The following GUCY1A2 variants were observed in gnomAD, a reference collection of about 807,000 sequenced individuals.
GUCY1A2 encodes guanylate cyclase 1 soluble subunit alpha 2.
GUCY1A2 carries 27 observed loss-of-function variants against 63.5 expected under a neutral mutation model. The observed-to-expected ratio is 0.43, with a 90% CI of 0.31 to 0.59. The LOEUF (loss-of-function observed/expected upper bound fraction) is 0.59. Ranked by LOEUF, GUCY1A2 falls within the 20% of genes least tolerant of loss-of-function variation. The probability of loss-of-function intolerance (pLI) is 0.11; values close to 1 mark genes in which losing one functional copy is unlikely to be tolerated. For missense variants in GUCY1A2, 768 were observed against 913.3 expected, an observed-to-expected ratio of 0.84 and a Z score of 2.05; for synonymous variants, 364 against 343.5, an observed-to-expected ratio of 1.06 and a Z score of -0.66.
chr11:106,726,823 G>C (rs1358239476), intron 6 of GUCY1A2, among the ~76,000 whole-genome samples: 1 of 152,180 alleles, frequency 6.6e-6, no homozygotes, highest in Non-Finnish European at 1.5e-5. Context: ...AAAGGTGGTG[G>C]CAGATTGTGA....
At chr11:106,931,519 C>T (rs1021141039) in intron 4 of GUCY1A2, among the ~76,000 whole-genome samples, 2 of 152,158 alleles carry the variant, frequency 1.3e-5, no homozygotes, top group African/African-American at 4.8e-5. Flanking sequence ...GGGAACATAT[C>T]CACACAAACT....
rs1018668390 is a variant in GUCY1A2 at position 107,001,946 on chromosome 11, G to C, written c.303+15807C>G. Among the ~76,000 whole-genome samples, 14 of 151,798 alleles carry C rather than the reference G, an allele frequency of 9.2e-5. No individual in the cohort carries two copies. In the South Asian group the frequency reaches 2.9e-3, roughly 32 times the overall value. On this transcript the variant is annotated intron_variant, in intron 1 of 7. Coordinates refer to ENST00000526355, the MANE Select transcript of GUCY1A2 (RefSeq NM_000855.3). ...AGGCAGGAGAATCGCTTGAACCTGGGAGGCAGAGGTTGCAATGAGCTGAGA... is the reference window on the plus strand; with the variant it reads ...AGGCAGGAGAATCGCTTGAACCTGGCAGGCAGAGGTTGCAATGAGCTGAGA...
intron 4 of GUCY1A2, among the ~76,000 whole-genome samples, chr11:106,902,522 C>T (rs1860148141): frequency 6.6e-6 from 1 of 152,150 alleles, no homozygotes; most frequent in Non-Finnish European, 1.5e-5. Flanking sequence ...GTTTCATCCA[C>T]AATGAAAATA....
intron 4 of GUCY1A2, among the ~76,000 whole-genome samples, chr11:106,855,919 T>A (rs1255974653): frequency 1.3e-5 from 2 of 149,808 alleles, no homozygotes; most frequent in African/African-American, 2.4e-5. Context: ...ATTTATTTAT[T>A]TATTTATTTA....
chr11:106,751,846 TAAC>T (rs1230768223), intron 6 of GUCY1A2, among the ~76,000 whole-genome samples: 1 of 152,120 alleles, frequency 6.6e-6, no homozygotes, highest in Non-Finnish European at 1.5e-5. Context: ...AATAAAGAAT[TAAC>T]AAACGTATAT....
intron 4 of GUCY1A2, among the ~76,000 whole-genome samples, chr11:106,836,586 C>T (rs1309856587): frequency 6.6e-6 from 1 of 151,818 alleles, no homozygotes; most frequent in Non-Finnish European, 1.5e-5. Context: ...CATGTGGGCC[C>T]CATGGTGTTA....
chr11:106,854,536 T>C (rs901360608), intron 4 of GUCY1A2, among the ~76,000 whole-genome samples: 6 of 152,062 alleles, frequency 3.9e-5, no homozygotes, highest in African/African-American at 1.4e-4. Context: ...TTCAAAATAG[T>C]GCATACAGGC....
chr11:106,942,699 C>G (rs924502309), intron 3 of GUCY1A2, among the ~76,000 whole-genome samples: 2 of 151,930 alleles, frequency 1.3e-5, no homozygotes, highest in African/African-American at 4.8e-5. Flanking sequence ...ATGGTGCACA[C>G]AAATGTAAAG....
At chr11:106,934,919 C>T (rs1196689634) in intron 4 of GUCY1A2, among the ~76,000 whole-genome samples, 1 of 152,162 alleles carries the variant, frequency 6.6e-6, no homozygotes, top group Non-Finnish European at 1.5e-5. Flanking sequence ...TAAGTTAACA[C>T]ATCCATTTTA....
rs1862360172 is a variant in GUCY1A2 at position 106,677,141 on chromosome 11, T to TTA, written c.*10406_*10407dup. ...TAGTAAAGTACTATTGTCATTTATC[T>TTA]TATAAGAGCTAGAAAGAAATAAAGC... is the stretch of plus-strand genomic sequence containing the variant. On this transcript the variant is annotated 3_prime_UTR_variant, in exon 8 of 8. Transcript: ENST00000526355. 3.2e-5 allele frequency: 7 copies of TTA among 217,982 alleles called. No homozygotes were observed. Among genetic ancestry groups the TTA allele is most frequent in the Non-Finnish European group, 5.5e-5 (6 of 108,164 alleles). 13.5% of individuals were successfully genotyped at this position (217,982 alleles called of 1,614,324 possible). A position where few individuals can be genotyped will look rare whatever the true frequency, so the allele number is the denominator to read the frequency against.
intron 4 of GUCY1A2, chr11:106,824,722 T>G: frequency 2.3e-6 from 3 of 1,333,018 alleles, no homozygotes; most frequent in Non-Finnish European, 3.0e-6. Context: ...AGAAAGAATA[T>G]TTTGAAATAT....
At position 106,853,611 on chromosome 11, in the gene GUCY1A2, GA is replaced by G. The variant is rs1591302607; in HGVS notation, c.1207-43134del. 2.0e-5 allele frequency among the ~76,000 whole-genome samples: 3 copies of G among 152,094 alleles called. No homozygotes were observed. The East Asian group carries it at 5.8e-4, about 29-fold the overall frequency. On this transcript the variant is annotated intron_variant, in intron 4 of 7. Coordinates refer to ENST00000526355, the MANE Select transcript of GUCY1A2 (RefSeq NM_000855.3). ...CTTGTATCTCACTAAGTTTCCTTAA[GA>G]TCATTATTTTGAATTTTTTCGGACA...
chr11:106,763,258 C>T (rs1864097659), intron 6 of GUCY1A2, among the ~76,000 whole-genome samples: 5 of 151,854 alleles, frequency 3.3e-5, no homozygotes, highest in South Asian at 4.2e-4. Flanking sequence ...TTTGGTAAGT[C>T]GTTCTTAGGT....
chr11:106,746,833 A>G (rs1051173231), intron 6 of GUCY1A2, among the ~76,000 whole-genome samples: 4 of 132,850 alleles, frequency 3.0e-5, no homozygotes, highest in African/African-American at 1.3e-4. Flanking sequence ...TGAAGGGATG[A>G]GAGAATATTC....
At chr11:106,703,058 A>G (rs2135344899) in intron 7 of GUCY1A2, among the ~76,000 whole-genome samples, 1 of 152,254 alleles carries the variant, frequency 6.6e-6, no homozygotes, top group East Asian at 1.9e-4. Flanking sequence ...TAATAAAACC[A>G]GGCAGAAGAA....
chr11:106,924,903 C>T (rs1860500932), intron 4 of GUCY1A2, among the ~76,000 whole-genome samples: 1 of 151,792 alleles, frequency 6.6e-6, no homozygotes, highest in Admixed American at 6.6e-5. Context: ...TACTGAGGAG[C>T]CTGAGGTGGG....
intron 6 of GUCY1A2, among the ~76,000 whole-genome samples, chr11:106,771,497 C>G (rs1312188340): frequency 6.6e-6 from 1 of 152,088 alleles, no homozygotes; most frequent in Non-Finnish European, 1.5e-5. Context: ...CCTGTAATCC[C>G]AACATTTTGG....
chr11:106,770,285 A>T (rs1035667085), intron 6 of GUCY1A2, among the ~76,000 whole-genome samples: 2 of 152,114 alleles, frequency 1.3e-5, no homozygotes, highest in Non-Finnish European at 2.9e-5. Context: ...AATAATGAGT[A>T]AATAGTTGTT....
At chr11:106,720,606 C>A (rs947424570) in intron 6 of GUCY1A2, among the ~76,000 whole-genome samples, 2 of 151,972 alleles carry the variant, frequency 1.3e-5, no homozygotes, top group Admixed American at 1.3e-4. Flanking sequence ...ATTAAATAGT[C>A]ATGCAGTGTT....
Sources: gnomAD v4.1 joint callset for allele counts (sites outside exome capture counted in the v4.1 genomes callset) on GRCh38, gnomAD v4.1.1 for gene constraint, MANE v1.5 for transcripts, NCBI Gene and HGNC (gene_info 2026-07-23, HGNC 2026-07-21) for gene names.